Variants in NUP107 observed in about 807,000 individuals in gnomAD.
NUP107 encodes the protein nuclear pore complex protein Nup107.
NUP107 carries 101 observed loss-of-function variants against 141.0 expected under a neutral mutation model. The observed-to-expected ratio is 0.72, with a 90% CI of 0.61 to 0.84. The LOEUF (loss-of-function observed/expected upper bound fraction) is 0.84. NUP107 is among the 40% of genes least tolerant of loss of function. The pLI is 0.00. For missense variants in NUP107, 941 were observed against 1,102.7 expected, an observed-to-expected ratio of 0.85 and a Z score of 2.08; for synonymous variants, 319 against 363.9, an observed-to-expected ratio of 0.88 and a Z score of 1.41.
chr12:68,715,842 A>G, intron 12 of NUP107, 102 bp downstream of exon 12: 1 of 590,536 alleles, frequency 1.7e-6, no homozygotes, highest in Non-Finnish European at 3.0e-6. Flanking sequence ...TAATGTAGTA[A>G]TTCCATTCAT....
chr12:68,721,471 C>T (rs553210737), intron 15 of NUP107, among the ~76,000 whole-genome samples: 4 of 152,250 alleles, frequency 2.6e-5, no homozygotes, highest in Admixed American at 2.6e-4. Flanking sequence ...ATACTCATAG[C>T]TGTATGCAGA....
chr12:68,697,068 G>A (rs1876102663), intron 6 of NUP107, 146 bp downstream of exon 6: 8 of 496,802 alleles, frequency 1.6e-5, no homozygotes, highest in Non-Finnish European at 2.9e-5. Flanking sequence ...GAGCATCCCT[G>A]CGTCTTACAT....
In NUP107 at chr12:68,743,271, G is replaced by T. The variant is rs1310649314; in HGVS notation, c.*809G>T. ...AAAAATTAGCCGGGCATGGTGGCAGGTGCCTGTAATCCCAGCTACTCAGGG... is the reference window on the plus strand; with the variant it reads ...AAAAATTAGCCGGGCATGGTGGCAGTTGCCTGTAATCCCAGCTACTCAGGG... On this transcript the variant is annotated 3_prime_UTR_variant, in exon 28 of 28. Coordinates refer to ENST00000229179, the MANE Select transcript of NUP107 (RefSeq NM_020401.4). The T allele has an allele frequency of 6.6e-6, 1 of 152,318 alleles. No homozygotes were observed. The highest frequency in any genetic ancestry group is 1.5e-5 in the Non-Finnish European group (1 of 68,162). The allele number at this position is 152,318 out of a possible 1,614,324, so 9.4% of individuals were successfully genotyped here.
At position 68,732,750 on chromosome 12, in the gene NUP107, T is replaced by A. The variant is rs1415477262; in HGVS notation, c.2101+11T>A. 6.5e-7 allele frequency: 1 copy of A among 1,548,990 alleles called. No individual in the cohort carries two copies. Among genetic ancestry groups the A allele is most frequent in the Non-Finnish European group, 8.9e-7 (1 of 1,124,522 alleles). On this transcript the variant is annotated intron_variant, in intron 23 of 27. Coordinates refer to ENST00000229179, the MANE Select transcript of NUP107 (RefSeq NM_020401.4). Reference sequence around the variant, plus strand: ...TGAGAAAATTCTTGGGTATAGTATATTTTTATGCAGCTTCAAACTCCTGGG... The same window carrying A: ...TGAGAAAATTCTTGGGTATAGTATAATTTTATGCAGCTTCAAACTCCTGGG...
rs142587275 is a variant in NUP107 at position 68,690,832 on chromosome 12, A to G, written c.303+86A>G. On this transcript the variant is annotated intron_variant, in intron 4 of 27. Coordinates refer to ENST00000229179, the MANE Select transcript of NUP107 (RefSeq NM_020401.4). ...AATCTCAGCACTCCCTGAACTCCTG[A>G]CCTCAAGTGATTCTCCCGCCTTGGC... 2.2e-6 allele frequency: 3 copies of G among 1,338,816 alleles called. No individual in the cohort carries two copies. In the East Asian group the frequency reaches 7.1e-5, roughly 31 times the overall value. 82.9% of individuals were successfully genotyped at this position (1,338,816 alleles called of 1,614,324 possible). A position where few individuals can be genotyped will look rare whatever the true frequency, so the allele number is the denominator to read the frequency against.
chr12:68,695,096 C>G (rs1369480828), intron 5 of NUP107, among the ~76,000 whole-genome samples: 2 of 152,112 alleles, frequency 1.3e-5, no homozygotes, highest in African/African-American at 4.8e-5. Flanking sequence ...AAACCAACAA[C>G]AAGAACAAAA....
chr12:68,703,905 A>T (rs1218501636), intron 8 of NUP107, among the ~76,000 whole-genome samples: 1 of 152,124 alleles, frequency 6.6e-6, no homozygotes, highest in Non-Finnish European at 1.5e-5. Flanking sequence ...TTTTTGCTGT[A>T]GCCATTAATA....
chr12:68,735,650 G>A (rs1055191660), intron 26 of NUP107, among the ~76,000 whole-genome samples: 1 of 152,084 alleles, frequency 6.6e-6, no homozygotes, highest in Non-Finnish European at 1.5e-5. Flanking sequence ...AAGATAACTC[G>A]AGTAGTATCA....
Position 68,713,361 on chromosome 12 carries a change from C to T in NUP107, c.891-369C>T, listed in dbSNP as rs192313869. On this transcript the variant is annotated intron_variant, in intron 10 of 27. Coordinates refer to ENST00000229179, the MANE Select transcript of NUP107 (RefSeq NM_020401.4). ...CTGCACTTTAGCCTCGGCAACAGAG[C>T]GAGACCCTGTCTCCAAAAAAAAAAA... Among the ~76,000 whole-genome samples the T allele has an allele frequency of 4.8e-3, 667 of 138,324 alleles. 5 individuals are homozygous for T. The highest frequency in any genetic ancestry group is 5.6e-3 in the Non-Finnish European group (368 of 65,758). 90.7% of individuals were successfully genotyped at this position (138,324 alleles called of 152,430 possible).
At chr12:68,703,527 T>A (rs1876436859) in intron 8 of NUP107, among the ~76,000 whole-genome samples, 2 of 152,156 alleles carry the variant, frequency 1.3e-5, no homozygotes, top group South Asian at 4.1e-4. Context: ...CATGGCTCAC[T>A]GCAACCTCCG....
intron 6 of NUP107, among the ~76,000 whole-genome samples, chr12:68,700,402 C>T (rs1876271966): frequency 1.3e-5 from 2 of 151,942 alleles, no homozygotes; most frequent in African/African-American, 4.8e-5. Context: ...TATGATTTTT[C>T]CAGGTATAGG....
intron 14 of NUP107, 22 bp from the exon 15 acceptor site, chr12:68,721,096 G>C (rs753903931): frequency 1.3e-6 from 2 of 1,494,548 alleles, no homozygotes; most frequent in African/African-American, 2.8e-5. Flanking sequence ...TTTCAAATTT[G>C]TTTATATTCA....
At chr12:68,709,528 A>G (rs527727636) in intron 9 of NUP107, among the ~76,000 whole-genome samples, 6 of 152,278 alleles carry the variant, frequency 3.9e-5, no homozygotes, top group East Asian at 1.9e-4. Context: ...GATTATTCCT[A>G]TAGAAAATTT....
At chr12:68,702,845 G>A in intron 8 of NUP107, 61 bp downstream of exon 8, 3 of 969,718 alleles carry the variant, frequency 3.1e-6, no homozygotes, top group Non-Finnish European at 4.5e-6. Flanking sequence ...TTACTAATAG[G>A]ATTTTTTTTT....
intron 4 of NUP107, 92 bp from the exon 5 acceptor site, chr12:68,691,876 T>G (rs1875805698): frequency 8.9e-7 from 1 of 1,122,460 alleles, no homozygotes; most frequent in Non-Finnish European, 1.2e-6. Context: ...ATACATATAA[T>G]TTTTAGAAAC....
chr12:68,731,652 G>T lies in NUP107; in HGVS notation c.1931G>T (p.Arg644Leu), dbSNP rs778938533. 2 of 1,585,824 alleles carry T rather than the reference G, an allele frequency of 1.3e-6. No homozygotes were observed. The highest frequency in any genetic ancestry group is 1.7e-6 in the Non-Finnish European group (2 of 1,172,392). Residue 644 changes from arginine to leucine, a missense_variant, in exon 22 of 28, where the codon CGA (arginine) becomes CTA (leucine). Physicochemically the swap from Arg to Leu is moderately radical, Grantham distance 102. Coordinates refer to ENST00000229179, the MANE Select transcript of NUP107 (RefSeq NM_020401.4). ...TITKTVVENI[R>L]KKDNGEFSHH... The stretch of plus-strand genomic sequence containing the variant: ...ACAAAAACTGTAGTTGAGAATATTC[G>T]AAAGAAAGATAATGGTGAATTTAGT...
chr12:68,743,218 T>C lies in NUP107; in HGVS notation c.*756T>C. 1 of 152,358 alleles carries C rather than the reference T, an allele frequency of 6.6e-6. No homozygotes were observed. The highest frequency in any genetic ancestry group is 1.5e-5 in the Non-Finnish European group (1 of 68,122). The allele number at this position is 152,358 out of a possible 1,614,324, so 9.4% of individuals were successfully genotyped here. ...TTTGAGACCAGCCTGGCCAACATGG[T>C]GAAACCCTGTCTCTACTAAAAAAAT... On this transcript the variant is annotated 3_prime_UTR_variant, in exon 28 of 28. Transcript: ENST00000229179.
intron 20 of NUP107, among the ~76,000 whole-genome samples, chr12:68,728,738 T>C (rs1427522846): frequency 6.6e-6 from 1 of 150,446 alleles, no homozygotes; most frequent in South Asian, 2.1e-4. Context: ...TTTTTTTAAG[T>C]TTAAAAATTA....
intron 22 of NUP107, 126 bp from the exon 23 acceptor site, chr12:68,732,511 G>A: frequency 2.0e-6 from 1 of 507,850 alleles, no homozygotes; most frequent in Non-Finnish European, 3.5e-6. Flanking sequence ...TCATAATTTT[G>A]TATAACTTGA....
Sources: gnomAD v4.1 joint callset for allele counts (sites outside exome capture counted in the v4.1 genomes callset) on GRCh38, gnomAD v4.1.1 for gene constraint, MANE v1.5 for transcripts, NCBI Gene and HGNC (gene_info 2026-07-23, HGNC 2026-07-21) for gene names.